The following ANOS1 variants were observed in gnomAD, a reference collection of about 807,000 sequenced individuals.
ANOS1 encodes anosmin-1.
A neutral mutation model predicts 59.0 loss-of-function variants in ANOS1; 6 were observed. The observed-to-expected ratio is 0.10, with a 90% CI of 0.06 to 0.20. The LOEUF is 0.20. Ranked by LOEUF, ANOS1 falls within the 10% of genes least tolerant of loss-of-function variation. ANOS1 has a pLI of 1.00. For synonymous variants in ANOS1, 217 were observed against 223.4 expected (o/e 0.97, Z 0.25); for missense variants, 433 against 542.3 (o/e 0.80, Z 2.00).
chrX:8,594,751 CAT>C lies in ANOS1; in HGVS notation c.541+2281_541+2282del, dbSNP rs1194283321. 6.1e-3 allele frequency among the ~76,000 whole-genome samples: 254 copies of C among 41,576 alleles called. 1 individual carries two copies. The highest frequency in any genetic ancestry group is 0.017 in the East Asian group (25 of 1,435). 36.1% of individuals were successfully genotyped at this position (41,576 alleles called of 115,157 possible). A position where few individuals can be genotyped will look rare whatever the true frequency, so the allele number is the denominator to read the frequency against. ...ACATATATATGTGTATATATATATA[CAT>C]ATATATATATATATTTTTTTTTTGC... On this transcript the variant is annotated intron_variant, in intron 4 of 13. Transcript: ENST00000262648.
At chrX:8,672,353 G>A (rs1304556736) in intron 2 of ANOS1, among the ~76,000 whole-genome samples, 1 of 112,090 alleles carries the variant, frequency 8.9e-6, no homozygotes. Flanking sequence ...TGCCTCCATG[G>A]TCTGATGCTG....
chrX:8,687,906 C>T (rs1277123824), intron 2 of ANOS1, among the ~76,000 whole-genome samples: 2 of 111,826 alleles, frequency 1.8e-5, no homozygotes, highest in African/African-American at 6.5e-5. Flanking sequence ...TTAAAACCTC[C>T]ATTTATTTTC....
intron 3 of ANOS1, among the ~76,000 whole-genome samples, chrX:8,610,516 G>T (rs1931036611): frequency 8.9e-6 from 1 of 112,103 alleles, no homozygotes; most frequent in Non-Finnish European, 1.9e-5. Flanking sequence ...GGATGAAACT[G>T]CATGAAGAGA....
At chrX:8,585,510 T>C in intron 5 of ANOS1, 114 bp from the exon 6 acceptor site, 1 of 848,473 alleles carries the variant, frequency 1.2e-6, no homozygotes. Flanking sequence ...TCAGTCTGTC[T>C]TCCCCCTGAT....
At chrX:8,710,380 C>G (rs1373087663) in intron 1 of ANOS1, among the ~76,000 whole-genome samples, 3 of 111,852 alleles carry the variant, frequency 2.7e-5, no homozygotes, top group African/African-American at 9.8e-5. Context: ...ATTCCGGTCT[C>G]TGTCAAAGTG....
chrX:8,645,812 C>T (rs376159687), intron 2 of ANOS1, among the ~76,000 whole-genome samples: 5 of 111,936 alleles, frequency 4.5e-5, no homozygotes, highest in East Asian at 2.8e-4. Context: ...CCTGCCACCG[C>T]GCCCAGCTAA....
chrX:8,539,767 C>T lies in ANOS1; in HGVS notation c.1355-9G>A. On this transcript the variant is annotated splice_polypyrimidine_tract_variant and intron_variant, in intron 9 of 13. Transcript: ENST00000262648. The stretch of plus-strand genomic sequence containing the variant: ...TCGGTTGACAGTGGGATCTATAATG[C>T]CAAAACACGCAAACAAAAATAATAG... The T allele has an allele frequency of 8.3e-7, 1 of 1,210,359 alleles. No homozygotes were observed. The highest frequency in any genetic ancestry group is 1.1e-6 in the Non-Finnish European group (1 of 895,135).
intron 3 of ANOS1, among the ~76,000 whole-genome samples, chrX:8,621,299 G>A (rs1277668854): frequency 9.1e-6 from 1 of 109,310 alleles, no homozygotes; most frequent in Non-Finnish European, 1.9e-5. Flanking sequence ...CCAGGAGGTG[G>A]AGGGTGCAGT....
At chrX:8,594,701 C>A (rs370702314) in intron 4 of ANOS1, among the ~76,000 whole-genome samples, 1 of 46,703 alleles carries the variant, frequency 2.1e-5, no homozygotes. Context: ...TATATATACA[C>A]ATATATATAC....
At chrX:8,551,876 G>C (rs1366407102) in intron 9 of ANOS1, among the ~76,000 whole-genome samples, 2 of 112,356 alleles carry the variant, frequency 1.8e-5, no homozygotes. Flanking sequence ...AGGAGGCTGA[G>C]GCGGGAGAAT....
At chrX:8,535,303 T>G (rs1929570315) in intron 12 of ANOS1, 1 of 343,394 alleles carries the variant, frequency 2.9e-6, no homozygotes, top group African/African-American at 2.6e-5. Flanking sequence ...TTAACAAAGA[T>G]AGAAGAAAAT....
In ANOS1 at chrX:8,679,317, T is replaced by C. The variant is rs761045711; in HGVS notation, c.255+20381A>G. Among the ~76,000 whole-genome samples, 2 of 111,014 alleles carry C rather than the reference T, an allele frequency of 1.8e-5. 1 individual carries two copies. Among genetic ancestry groups the C allele is most frequent in the African/African-American group, 6.5e-5 (2 of 30,598 alleles). ...GGCAGACACAACAGGATAAATATCC[T>C]ATGATTCCATTTGTATGAGGTTCTC... is the stretch of plus-strand genomic sequence containing the variant. On this transcript the variant is annotated intron_variant, in intron 2 of 13. Coordinates refer to ENST00000262648, the MANE Select transcript of ANOS1 (RefSeq NM_000216.4).
chrX:8,557,902 T>C (rs1002119524), intron 8 of ANOS1, among the ~76,000 whole-genome samples: 10 of 111,911 alleles, frequency 8.9e-5, no homozygotes, highest in African/African-American at 2.3e-4. Flanking sequence ...CTATTCACAA[T>C]AGCAAAGACT....
chrX:8,618,227 AT>A (rs1211717100), intron 3 of ANOS1, among the ~76,000 whole-genome samples: 1 of 112,315 alleles, frequency 8.9e-6, no homozygotes, highest in African/African-American at 3.2e-5. Flanking sequence ...TTACTTGATA[AT>A]TATATATGTA....
intron 2 of ANOS1, among the ~76,000 whole-genome samples, chrX:8,639,910 T>TAGTGA (rs1480205585): frequency 1.8e-5 from 2 of 111,025 alleles, no homozygotes; most frequent in Non-Finnish European, 3.8e-5. Flanking sequence ...CAGAAAAGAC[T>TAGTGA]CCTGATCACT....
chrX:8,649,808 G>T (rs1931821375), intron 2 of ANOS1, among the ~76,000 whole-genome samples: 1 of 112,192 alleles, frequency 8.9e-6, no homozygotes, highest in Admixed American at 9.4e-5. Flanking sequence ...AGCCTGCTGA[G>T]CCCCAATCTG....
intron 2 of ANOS1, among the ~76,000 whole-genome samples, chrX:8,674,856 C>T (rs1047105472): frequency 1.8e-5 from 2 of 111,691 alleles, no homozygotes; most frequent in African/African-American, 6.5e-5. Flanking sequence ...ATGTGGGGGA[C>T]CCCAGGAACC....
At chrX:8,578,121 G>A (rs761753584) in intron 6 of ANOS1, among the ~76,000 whole-genome samples, 12 of 111,044 alleles carry the variant, frequency 1.1e-4, no homozygotes, top group African/African-American at 3.9e-4. Flanking sequence ...GCACTGAAAC[G>A]CATCATAAGA....
intron 6 of ANOS1, among the ~76,000 whole-genome samples, chrX:8,583,837 T>C (rs1420468687): frequency 8.9e-6 from 1 of 111,936 alleles, no homozygotes; most frequent in Non-Finnish European, 1.9e-5. Flanking sequence ...CCATTCTAGA[T>C]TATAAGTTGC....
Sources: gnomAD v4.1 joint callset for allele counts (sites outside exome capture counted in the v4.1 genomes callset) on GRCh38, gnomAD v4.1.1 for gene constraint, MANE v1.5 for transcripts, NCBI Gene and HGNC (gene_info 2026-07-23, HGNC 2026-07-21) for gene names.